ZNF592: variants seen among roughly 807,000 people sequenced by gnomAD.
The protein encoded by ZNF592 is zinc finger protein 592, also known as spinocerebellar ataxia, autosomal recessive 5.
ZNF592 carries 11 observed loss-of-function variants against 80.3 expected under a neutral mutation model. The observed-to-expected ratio is 0.14, with a 90% CI of 0.09 to 0.23. ZNF592 has a LOEUF of 0.23. Among genes scored for constraint, ZNF592 ranks in the 10% least tolerant of loss-of-function variants. The pLI is 1.00. For missense variants in ZNF592, 1,420 were observed against 1,633.9 expected (o/e 0.87, Z 2.26); for synonymous variants, 646 against 640.3 (o/e 1.01, Z -0.13).
At position 84,784,160 on chromosome 15, in the gene ZNF592, T is replaced by C. The variant is rs866566391; in HGVS notation, c.1485T>C (p.Pro495=). 7 of 1,614,140 alleles carry C rather than the reference T, an allele frequency of 4.3e-6. No individual in the cohort carries two copies. In the Middle Eastern group the frequency reaches 8.2e-4, roughly 190 times the overall value. ...CACTGCAGGCATCCACCCTGGCCCC[T>C]GCCAACCTCCTGCCCAAAGCCGTGC... The part of the protein sequence containing the change: ...STALQASTLA[P]ANLLPKAVHL... Residue 495 remains proline (P), a synonymous_variant, in exon 4 of 11, where the codon CCT becomes CCC. Coordinates refer to ENST00000560079, the MANE Select transcript of ZNF592 (RefSeq NM_014630.3). This position sits in a 1 kb window ranked among gnomAD's most constrained non-coding sequence, Gnocchi z 5.8.
rs762639748 is a variant in ZNF592 at position 84,798,321 on chromosome 15, T to A, written c.2583T>A (p.Ile861=). The change falls in exon 7 of 11, where the codon ATT becomes ATA. Residue 861 remains isoleucine (I), a synonymous_variant. Transcript: ENST00000560079. This position sits in a 1 kb window ranked among gnomAD's most constrained non-coding sequence, Gnocchi z 4.5. ...CTAGGGCTTGTCTCATCAGGCTCAT[T>A]TATAAGTGCTCCTGTGAAATGGTCT... ...PTQPHRPSQL[I]YKCSCEMVFN... 1 of 1,614,166 alleles carries A rather than the reference T, an allele frequency of 6.2e-7. No homozygotes were observed.
Position 84,783,545 on chromosome 15 carries a change from C to T in ZNF592, c.870C>T (p.Ala290=), listed in dbSNP as rs1446717559. The stretch of plus-strand genomic sequence containing the variant: ...CCTCTTGTGTGGCAGCCTTGGTGGC[C>T]TTGCAGGCCAAAAGAGTGGCTAGTG... The part of the protein sequence containing the change: ...KLSSCVAALV[A]LQAKRVASVT... The change falls in exon 4 of 11, where the codon GCC becomes GCT. Residue 290 remains alanine (A), a synonymous_variant. Transcript: ENST00000560079. The surrounding 1 kb of genome is among the most constrained non-coding windows in gnomAD (Gnocchi z 5.0). 3.7e-6 allele frequency: 6 copies of T among 1,614,198 alleles called. No homozygotes were observed. Among genetic ancestry groups the T allele is most frequent in the South Asian group, 1.1e-5 (1 of 91,082 alleles).
Position 84,782,835 on chromosome 15 carries a change from T to C in ZNF592, c.160T>C (p.Leu54=). 6.2e-7 allele frequency: 1 copy of C among 1,614,148 alleles called. No homozygotes were observed. The highest frequency in any genetic ancestry group is 8.5e-7 in the Non-Finnish European group (1 of 1,180,034). Residue 54 remains leucine (L), a synonymous_variant, in exon 4 of 11, where the codon TTG becomes CTG. Transcript: ENST00000560079. Reference sequence around the variant, plus strand: ...CATATGTATGGATGAAAGTGTGTCCTTGTCTCACTCAGGATCAGCCCCCGA... The same window carrying C: ...CATATGTATGGATGAAAGTGTGTCCCTGTCTCACTCAGGATCAGCCCCCGA... The part of the protein sequence containing the change: ...PGICMDESVS[L]SHSGSAPDVP...
At chr15:84,765,542 T>TTTG (rs1555429235) in intron 2 of ZNF592, among the ~76,000 whole-genome samples, 2 of 140,232 alleles carry the variant, frequency 1.4e-5, no homozygotes, top group Non-Finnish European at 3.1e-5. Context: ...ATTGTTTTTT[T>TTTG]TTTTTTTTTT....
chr15:84,795,724 A>C (rs755353909), intron 5 of ZNF592, among the ~76,000 whole-genome samples: 1 of 152,224 alleles, frequency 6.6e-6, no homozygotes, highest in African/African-American at 2.4e-5. Flanking sequence ...GCAGGAGAGA[A>C]AGGAAAATTA....
intron 1 of ZNF592, among the ~76,000 whole-genome samples, chr15:84,756,688 T>C (rs890924714): frequency 2.0e-5 from 3 of 152,248 alleles, no homozygotes; most frequent in Non-Finnish European, 4.4e-5. Context: ...ACTATCACCA[T>C]TTAATACTTT....
intron 1 of ZNF592, among the ~76,000 whole-genome samples, chr15:84,749,388 G>A (rs1898946626): frequency 6.6e-6 from 1 of 152,230 alleles, no homozygotes; most frequent in African/African-American, 2.4e-5. Flanking sequence ...CAGCGTTTGT[G>A]AGGGGGAGGG....
intron 3 of ZNF592, among the ~76,000 whole-genome samples, chr15:84,779,129 C>T (rs1196310089): frequency 6.6e-6 from 1 of 152,144 alleles, no homozygotes; most frequent in East Asian, 1.9e-4. Context: ...TCTATAAGGG[C>T]TTTTTATGTT....
chr15:84,765,493 G>T (rs1027029009), intron 2 of ZNF592, among the ~76,000 whole-genome samples: 6 of 149,618 alleles, frequency 4.0e-5, no homozygotes, highest in Non-Finnish European at 8.9e-5. Flanking sequence ...GATGCACAAG[G>T]AATCTGATTT....
At chr15:84,753,512 G>T (rs1457641109) in intron 1 of ZNF592, 39 of 152,104 alleles carry the variant, frequency 2.6e-4, no homozygotes, top group Admixed American at 2.6e-3. Flanking sequence ...TCACTCTGTT[G>T]CCCAGGCTGG....
At chr15:84,801,736 A>G in intron 10 of ZNF592, 127 bp from the exon 11 acceptor site, 1 of 1,332,698 alleles carries the variant, frequency 7.5e-7, no homozygotes, top group South Asian at 1.3e-5. Context: ...AACGTAAACC[A>G]GCGTTCAGGG....
intron 5 of ZNF592, among the ~76,000 whole-genome samples, chr15:84,795,876 C>A (rs1391827042): frequency 2.0e-5 from 3 of 152,046 alleles, no homozygotes; most frequent in Non-Finnish European, 4.4e-5. Flanking sequence ...TGATTCTCTA[C>A]CCCTCCCTTC....
In ZNF592 at chr15:84,782,850, T is replaced by A; in HGVS notation, c.175T>A (p.Ser59Thr). ...AAGTGTGTCCTTGTCTCACTCAGGA[T>A]CAGCCCCCGATGTGCCGGCCGTGAG... Reference protein sequence around the residue: ...DESVSLSHSGSAPDVPAVSVI... With the variant: ...DESVSLSHSGTAPDVPAVSVI... Residue 59 changes from serine to threonine, a missense_variant, in exon 4 of 11, where the codon TCA becomes ACA. Ser to Thr is a moderately conservative substitution (Grantham distance 58). This residue lies in a region of ZNF592 where 373 missense variants were observed against 355.5 expected (regional missense o/e 1.05). Transcript: ENST00000560079. 6.2e-7 allele frequency: 1 copy of A among 1,614,090 alleles called. No individual in the cohort carries two copies.
intron 4 of ZNF592, among the ~76,000 whole-genome samples, chr15:84,786,574 C>A (rs531524233): frequency 2.0e-5 from 3 of 152,102 alleles, no homozygotes; most frequent in African/African-American, 4.8e-5. Context: ...ACTCAGCCCC[C>A]CAAAGGGGCC....
rs1223889160 is a variant in ZNF592, at chr15:84,804,529, A to G, written c.*2136A>G. On this transcript the variant is annotated 3_prime_UTR_variant, in exon 11 of 11. Transcript: ENST00000560079. ...GGGTCCTGGCCTGGATTCTGTCCTT[A>G]GCCAGCTCTTAACAAATCCCTTAAC... 1 of 152,266 alleles carries G rather than the reference A, an allele frequency of 6.6e-6. No homozygotes were observed. Among genetic ancestry groups the G allele is most frequent in the South Asian group, 2.1e-4 (1 of 4,832 alleles). 9.4% of individuals were successfully genotyped at this position (152,266 alleles called of 1,614,324 possible).
intron 5 of ZNF592, among the ~76,000 whole-genome samples, chr15:84,796,861 C>T (rs1437432587): frequency 6.6e-6 from 1 of 152,142 alleles, no homozygotes; most frequent in East Asian, 1.9e-4. Flanking sequence ...CCATTTGTGG[C>T]TACCGGGTGC....
intron 5 of ZNF592, 53 bp downstream of exon 5, chr15:84,790,936 C>T (rs1021735393): frequency 6.2e-7 from 1 of 1,609,854 alleles, no homozygotes; most frequent in Non-Finnish European, 8.5e-7. Context: ...TGGTCCTTTT[C>T]CTAAGCCAGA....
At chr15:84,786,759 G>A (rs903619169) in intron 4 of ZNF592, among the ~76,000 whole-genome samples, 26 of 151,612 alleles carry the variant, frequency 1.7e-4, no homozygotes, top group African/African-American at 5.8e-4. Flanking sequence ...CTTTATCTGA[G>A]TCAAGGGGCC....
rs1386095912 is a variant in ZNF592, at chr15:84,805,034, G to A, written c.*2641G>A. ...GGCTGCTTTGACAGGCTGCCAGCTT[G>A]TCAGTGGTTTGCAGCCCCCCAGACA... On this transcript the variant is annotated 3_prime_UTR_variant, in exon 11 of 11. Transcript: ENST00000560079. 1.3e-5 allele frequency: 2 copies of A among 152,202 alleles called. No individual in the cohort carries two copies. Among genetic ancestry groups the A allele is most frequent in the African/African-American group, 4.8e-5 (2 of 41,454 alleles). The allele number at this position is 152,202 out of a possible 1,614,324, so 9.4% of individuals were successfully genotyped here.
Sources: gnomAD v4.1 joint callset for allele counts (sites outside exome capture counted in the v4.1 genomes callset) on GRCh38, gnomAD v4.1.1 for gene constraint, gnomAD v4.1.1 regional missense constraint, Gnocchi (gnomAD v3.1) non-coding constraint, MANE v1.5 for transcripts, NCBI Gene and HGNC (gene_info 2026-07-23, HGNC 2026-07-21) for gene names.